Variants in CEP128 observed in about 807,000 individuals in gnomAD.
CEP128 encodes the protein centrosomal protein 128kDa.
In CEP128, 132 loss-of-function variants were observed where a neutral mutation model predicts 156.7. The ratio of observed to expected loss-of-function variants is 0.84; its 90% CI spans 0.73 to 0.97. CEP128 has a LOEUF of 0.97. Ranked by LOEUF, CEP128 falls within the 50% of genes least tolerant of loss-of-function variation. CEP128 has a pLI of 0.00. For missense variants in CEP128, 1,252 were observed against 1,281.9 expected (o/e 0.98, Z 0.36); for synonymous variants, 469 against 448.9 (o/e 1.04, Z -0.57).
intron 23 of CEP128, among the ~76,000 whole-genome samples, chr14:80,518,604 TC>T (rs1888599964): frequency 6.6e-6 from 1 of 152,204 alleles, no homozygotes; most frequent in Admixed American, 6.5e-5. Context: ...TGTCTATTTT[TC>T]CTTACAATTC....
intron 19 of CEP128, among the ~76,000 whole-genome samples, chr14:80,729,311 C>A (rs1055073807): frequency 2.6e-5 from 4 of 152,030 alleles, no homozygotes; most frequent in African/African-American, 9.7e-5. Flanking sequence ...TGGTCTCCAA[C>A]ACCATCCAGG....
chr14:80,900,971 C>G (rs1311555804), intron 6 of CEP128, among the ~76,000 whole-genome samples: 1 of 151,828 alleles, frequency 6.6e-6, no homozygotes, highest in Non-Finnish European at 1.5e-5. Flanking sequence ...CTTTGGGAGG[C>G]CGAGGCGGGC....
intron 19 of CEP128, among the ~76,000 whole-genome samples, chr14:80,678,646 T>C (rs974888583): frequency 2.6e-5 from 4 of 152,294 alleles, no homozygotes; most frequent in East Asian, 1.9e-4. Context: ...TGCCAATACA[T>C]GAAGAGCTTC....
At chr14:80,885,781 G>C (rs144263788) in intron 8 of CEP128, among the ~76,000 whole-genome samples, 1,537 of 152,234 alleles carry the variant, frequency 0.01, 9 homozygotes, top group Middle Eastern at 0.014. Flanking sequence ...GAATGTGTTT[G>C]ACAAATTGAC....
intron 19 of CEP128, among the ~76,000 whole-genome samples, chr14:80,674,077 T>TG (rs894529308): frequency 6.6e-6 from 1 of 151,892 alleles, no homozygotes; most frequent in African/African-American, 2.4e-5. Flanking sequence ...TCATAGTTTT[T>TG]TTTTTTCATT....
chr14:80,841,631 T>G (rs1053545541), intron 9 of CEP128, among the ~76,000 whole-genome samples: 2 of 152,054 alleles, frequency 1.3e-5, no homozygotes, highest in Non-Finnish European at 2.9e-5. Context: ...CTCATGATGA[T>G]TCTATGAATT....
chr14:80,639,550 G>A (rs1454037571), intron 19 of CEP128, among the ~76,000 whole-genome samples: 1 of 152,088 alleles, frequency 6.6e-6, no homozygotes, highest in East Asian at 1.9e-4. Flanking sequence ...TCTTAAATAT[G>A]TTTATTGTTG....
chr14:80,831,553 A>G (rs983171911), intron 12 of CEP128, among the ~76,000 whole-genome samples: 1 of 152,072 alleles, frequency 6.6e-6, no homozygotes, highest in African/African-American at 2.4e-5. Context: ...ATTTATTTCA[A>G]GAAAATCACA....
chr14:80,784,816 TA>T, intron 15 of CEP128, 78 bp downstream of exon 15: 2 of 1,219,780 alleles, frequency 1.6e-6, no homozygotes, highest in Non-Finnish European at 2.3e-6. Flanking sequence ...GAATGATCTC[TA>T]AAAGTTTACG....
At chr14:80,704,505 G>A (rs1897173770) in intron 19 of CEP128, among the ~76,000 whole-genome samples, 1 of 151,804 alleles carries the variant, frequency 6.6e-6, no homozygotes, top group Admixed American at 6.6e-5. Context: ...AGAATTTTAA[G>A]GCTCTAATGC....
At chr14:80,617,964 C>G (rs1893298327) in intron 19 of CEP128, among the ~76,000 whole-genome samples, 1 of 152,192 alleles carries the variant, frequency 6.6e-6, no homozygotes, top group Admixed American at 6.5e-5. Flanking sequence ...CTTCTCTGCA[C>G]TCTAGCTTTT....
At chr14:80,907,317 C>T (rs137908388) in intron 4 of CEP128, among the ~76,000 whole-genome samples, 2 of 152,112 alleles carry the variant, frequency 1.3e-5, no homozygotes, top group South Asian at 2.1e-4. Flanking sequence ...TCCTCCTTAC[C>T]TAAACTGGGA....
intron 20 of CEP128, among the ~76,000 whole-genome samples, chr14:80,566,802 CT>C (rs777360951): frequency 2.0e-5 from 3 of 150,704 alleles, no homozygotes; most frequent in Non-Finnish European, 2.9e-5. Flanking sequence ...GCTTATGTGC[CT>C]TTTCAAACAA....
At chr14:80,858,885 A>C (rs1200024893) in intron 9 of CEP128, among the ~76,000 whole-genome samples, 4 of 152,190 alleles carry the variant, frequency 2.6e-5, no homozygotes, top group African/African-American at 7.2e-5. Flanking sequence ...ATCATTAAAA[A>C]GTCAGGAAAC....
At chr14:80,583,300 G>A (rs1891665461) in intron 19 of CEP128, among the ~76,000 whole-genome samples, 1 of 150,528 alleles carries the variant, frequency 6.6e-6, no homozygotes, top group Admixed American at 6.6e-5. Context: ...TTGTATAAAG[G>A]GTATAAGCAG....
chr14:80,540,279 T>C (rs1386617068), intron 21 of CEP128, among the ~76,000 whole-genome samples: 1 of 150,220 alleles, frequency 6.7e-6, no homozygotes, highest in Non-Finnish European at 1.5e-5. Context: ...ATATGTGATG[T>C]CACCCCTGGC....
At chr14:80,689,290 CAAAAAAAAAAAAA>C (rs57054840) in intron 19 of CEP128, among the ~76,000 whole-genome samples, 4 of 96,646 alleles carry the variant, frequency 4.1e-5, no homozygotes, top group African/African-American at 7.3e-5. Context: ...GACTCCGTCT[CAAAAAAAAAAAAA>C]AAAAAAAAAA....
chr14:80,647,011 A>ATATATATGTG lies in CEP128; in HGVS notation c.2807-66589_2807-66588insCACATATATA, dbSNP rs1233103116. ...TTATAAGAAATATATATATATATATATGTGTGTGTATATATATGTGTGCAT... is the reference window on the plus strand; with the variant it reads ...TTATAAGAAATATATATATATATATATATATATGTGTGTGTGTGTATATATATGTGTGCAT... On this transcript the variant is annotated intron_variant, in intron 19 of 24. Transcript: ENST00000555265. Among the ~76,000 whole-genome samples the ATATATATGTG allele has an allele frequency of 3.0e-3, 215 of 72,536 alleles. 25 individuals are homozygous for ATATATATGTG. The East Asian group carries it at 0.074, about 25-fold the overall frequency. The allele number at this position is 72,536 out of a possible 152,430, so 47.6% of individuals were successfully genotyped here.
chr14:80,924,097 C>T (rs1052285408), intron 2 of CEP128, among the ~76,000 whole-genome samples: 1 of 152,194 alleles, frequency 6.6e-6, no homozygotes, highest in Non-Finnish European at 1.5e-5. Context: ...TTATAAATTA[C>T]CCAATCTCAT....
Sources: allele counts gnomAD v4.1 joint callset (sites outside exome capture counted in the v4.1 genomes callset), GRCh38; gene constraint gnomAD v4.1.1; transcripts MANE v1.5; gene names NCBI Gene and HGNC (gene_info 2026-07-23, HGNC 2026-07-21).